Variants in PLEKHH1 observed in about 807,000 individuals in gnomAD.
The protein encoded by PLEKHH1 is pleckstrin homology, MyTH4 and FERM domain containing H1, also known as pleckstrin homology domain-containing family H member 1.
In PLEKHH1, 104 loss-of-function variants were observed where a neutral mutation model predicts 160.0. The ratio of observed to expected loss-of-function variants is 0.65; its 90% CI spans 0.55 to 0.76. The LOEUF (loss-of-function observed/expected upper bound fraction) is 0.76. Among genes scored for constraint, PLEKHH1 ranks in the 30% least tolerant of loss-of-function variants. The pLI is 0.00. For missense variants in PLEKHH1, 1,427 were observed against 1,724.1 expected (o/e 0.83, Z 3.05); for synonymous variants, 619 against 678.4 (o/e 0.91, Z 1.36).
chr14:67,556,529 TCAA>T (rs1430163553), intron 3 of PLEKHH1, among the ~76,000 whole-genome samples: 2 of 152,132 alleles, frequency 1.3e-5, no homozygotes, highest in African/African-American at 2.4e-5. Context: ...TCCTCCTGCC[TCAA>T]CCTCCCAAAG....
At chr14:67,558,861 T>A (rs979950824) in intron 4 of PLEKHH1, among the ~76,000 whole-genome samples, 1 of 152,262 alleles carries the variant, frequency 6.6e-6, no homozygotes, top group Non-Finnish European at 1.5e-5. Context: ...AAAGCTGCTG[T>A]TGTAACATGG....
intron 2 of PLEKHH1, among the ~76,000 whole-genome samples, chr14:67,553,424 A>C (rs1381433730): frequency 6.6e-6 from 1 of 151,866 alleles, no homozygotes; most frequent in African/African-American, 2.4e-5. Flanking sequence ...AGCAAAGGGG[A>C]TTTATTAGAA....
At chr14:67,575,724 A>G in intron 15 of PLEKHH1, 99 bp from the exon 16 acceptor site, 1 of 902,738 alleles carries the variant, frequency 1.1e-6, no homozygotes, top group Non-Finnish European at 1.7e-6. Flanking sequence ...ATCGGTCCAT[A>G]TCCACGATTC....
In PLEKHH1 at chr14:67,557,433, G is replaced by T; in HGVS notation, c.339+15G>T. On this transcript the variant is annotated intron_variant, in intron 4 of 28. Coordinates refer to ENST00000329153, the MANE Select transcript of PLEKHH1 (RefSeq NM_020715.3). ...TGGAGAAGCAGGTAAGGGCTCATGC[G>T]CAAGGGAGCACCATGCCCTCTTCGA... 2 of 1,610,016 alleles carry T rather than the reference G, an allele frequency of 1.2e-6. No individual in the cohort carries two copies. The highest frequency in any genetic ancestry group is 8.5e-7 in the Non-Finnish European group (1 of 1,178,870).
In PLEKHH1 at chr14:67,574,365, G is replaced by A. The variant is rs768378485; in HGVS notation, c.2050G>A (p.Gly684Ser). 1.3e-6 allele frequency: 2 copies of A among 1,592,658 alleles called. No individual in the cohort carries two copies. Among genetic ancestry groups the A allele is most frequent in the South Asian group, 2.3e-5 (2 of 87,548 alleles). ...QATGPPALLR[G>S]GTKPTVKGWL... Reference sequence around the variant, plus strand: ...CACCGGGCCTCCAGCTCTGCTTCGGGGTGGCACCAAGCCCACCGTGAAGGG... The same window carrying A: ...CACCGGGCCTCCAGCTCTGCTTCGGAGTGGCACCAAGCCCACCGTGAAGGG... The change falls in exon 14 of 29, where the codon GGT (glycine) becomes AGT (serine). Residue 684 changes from glycine (G) to serine (S), a missense_variant. Coordinates refer to ENST00000329153, the MANE Select transcript of PLEKHH1 (RefSeq NM_020715.3). The surrounding 1 kb of genome is among the most constrained non-coding windows in gnomAD (Gnocchi z 4.2).
At chr14:67,564,612 C>T (rs1392748542) in intron 7 of PLEKHH1, among the ~76,000 whole-genome samples, 1 of 151,942 alleles carries the variant, frequency 6.6e-6, no homozygotes, top group Non-Finnish European at 1.5e-5. Flanking sequence ...CATGCACCAC[C>T]ATGCCTGGCT....
chr14:67,569,176 G>A lies in PLEKHH1; in HGVS notation c.1302G>A (p.Arg434=). 3 of 1,613,190 alleles carry A rather than the reference G, an allele frequency of 1.9e-6. No individual in the cohort carries two copies. Among genetic ancestry groups the A allele is most frequent in the Non-Finnish European group, 2.5e-6 (3 of 1,179,330 alleles). Residue 434 remains arginine (R), a synonymous_variant, in exon 8 of 29, where the codon CGG becomes CGA. Coordinates refer to ENST00000329153, the MANE Select transcript of PLEKHH1 (RefSeq NM_020715.3). ...RIYAVATSGM[R]LSDMSPRSNT... ...ATGCTGTGGCCACATCGGGCATGCG[G>A]CTCTCAGATATGTCTCCCAGAAGTA...
In PLEKHH1 at chr14:67,578,475, T is replaced by C. The variant is rs1365088599; in HGVS notation, c.2752-59T>C. On this transcript the variant is annotated intron_variant, in intron 19 of 28. Transcript: ENST00000329153. This position sits in a 1 kb window ranked among gnomAD's most constrained non-coding sequence, Gnocchi z 5.0. The stretch of plus-strand genomic sequence containing the variant: ...CTGAAGGCTCTGTAGCTCAGGGCTA[T>C]GAGGACAGGTGGTGCTGTAGGCCCA... The C allele has an allele frequency of 4.3e-6, 5 of 1,173,236 alleles. No homozygotes were observed. The highest frequency in any genetic ancestry group is 6.3e-6 in the Non-Finnish European group (5 of 797,324). The allele number at this position is 1,173,236 out of a possible 1,614,324, so 72.7% of individuals were successfully genotyped here.
In PLEKHH1 at chr14:67,552,846, C is replaced by T. The variant is rs578117663; in HGVS notation, c.127-2979C>T. Among the ~76,000 whole-genome samples, 1,092 of 152,024 alleles carry T rather than the reference C, an allele frequency of 7.2e-3. 6 individuals carry two copies. The highest frequency in any genetic ancestry group is 0.012 in the Non-Finnish European group (809 of 67,966). ...ACCACCTGGCAGTGACAGAGGGTGA[C>T]CCAGGGCTGGGAGGATACCCCAGGG... On this transcript the variant is annotated intron_variant, in intron 2 of 28. Transcript: ENST00000329153.
chr14:67,553,872 G>C (rs1039754405), intron 2 of PLEKHH1, among the ~76,000 whole-genome samples: 2 of 152,184 alleles, frequency 1.3e-5, no homozygotes, highest in Non-Finnish European at 2.9e-5. Flanking sequence ...CACCCACTCA[G>C]CTTCCATCTA....
At chr14:67,583,468 C>T (rs1003336695) in intron 24 of PLEKHH1, among the ~76,000 whole-genome samples, 18 of 152,152 alleles carry the variant, frequency 1.2e-4, no homozygotes, top group Admixed American at 7.9e-4. Context: ...TTTCCCTTGT[C>T]GGCTACCAAT....
Position 67,551,959 on chromosome 14 carries a change from C to T in PLEKHH1, c.127-3866C>T, listed in dbSNP as rs563967347. On this transcript the variant is annotated intron_variant, in intron 2 of 28. Coordinates refer to ENST00000329153, the MANE Select transcript of PLEKHH1 (RefSeq NM_020715.3). ...GTGGCTCTTGGCTCAGGCCACTGCT[C>T]GGCACAGCAGGACTGTGCTGGGAGT... 6.6e-4 allele frequency among the ~76,000 whole-genome samples: 101 copies of T among 152,218 alleles called. No homozygotes were observed. In the South Asian group the frequency reaches 7.1e-3, roughly 11 times the overall value.
chr14:67,579,602 T>C, intron 21 of PLEKHH1, 119 bp from the exon 22 acceptor site: 1 of 992,336 alleles, frequency 1.0e-6, no homozygotes, highest in Non-Finnish European at 1.5e-6. Flanking sequence ...ACCAACTTGC[T>C]TTGGCCTTTT....
Position 67,578,588 on chromosome 14 carries a change from C to T in PLEKHH1, c.2806C>T (p.Leu936Phe). ...APLFLPQHHF[L>F]WYVKQQLQRH... ...ACTTTTCCTGCCTCAGCATCACTTC[C>T]TCTGGTATGTCAAGCAGCAGCTCCA... is the stretch of plus-strand genomic sequence containing the variant. The change falls in exon 20 of 29, where the codon CTC becomes TTC. Residue 936 changes from leucine to phenylalanine, a missense_variant. Around this residue, in one of 6 missense-constraint regions of PLEKHH1, gnomAD observed 436 missense variants for 607.5 expected, o/e 0.72. Coordinates refer to ENST00000329153, the MANE Select transcript of PLEKHH1 (RefSeq NM_020715.3). This position sits in a 1 kb window ranked among gnomAD's most constrained non-coding sequence, Gnocchi z 5.0. The T allele has an allele frequency of 1.2e-6, 2 of 1,612,220 alleles. No homozygotes were observed. The highest frequency in any genetic ancestry group is 1.7e-6 in the Non-Finnish European group (2 of 1,179,250).
Position 67,579,751 on chromosome 14 carries a change from G to T in PLEKHH1, c.3058G>T (p.Asp1020Tyr). 6.2e-7 allele frequency: 1 copy of T among 1,612,920 alleles called. No homozygotes were observed. The highest frequency in any genetic ancestry group is 8.5e-7 in the Non-Finnish European group (1 of 1,179,530). ...VVGFDGSSTVDEFLQRLNQEI... is the reference protein window; with the variant it reads ...VVGFDGSSTVYEFLQRLNQEI... Reference sequence around the variant, plus strand: ...TGGTTTTGACGGCTCTTCCACGGTTGATGAGTTCCTCCAGCGGCTGAACCA... The same window carrying T: ...TGGTTTTGACGGCTCTTCCACGGTTTATGAGTTCCTCCAGCGGCTGAACCA... The change falls in exon 22 of 29, where the codon GAT becomes TAT. Residue 1020 changes from aspartate to tyrosine, a missense_variant. Around this residue, in one of 6 missense-constraint regions of PLEKHH1, gnomAD observed 436 missense variants for 607.5 expected, o/e 0.72. Transcript: ENST00000329153.
chr14:67,541,960 G>A lies in PLEKHH1; in HGVS notation c.93G>A (p.Gln31=), dbSNP rs1221801918. ...CTCAGCTTTTCCGGTTCCGCCTACAGGCCAGCAAGATAAGGGAGCTGCTGG... is the reference window on the plus strand; with the variant it reads ...CTCAGCTTTTCCGGTTCCGCCTACAAGCCAGCAAGATAAGGGAGCTGCTGG... The part of the protein sequence containing the change: ...LETQLFRFRL[Q]ASKIRELLAD... The change falls in exon 2 of 29, where the codon CAG becomes CAA. Residue 31 remains glutamine, a synonymous_variant. Transcript: ENST00000329153. 6.2e-7 allele frequency: 1 copy of A among 1,607,660 alleles called. No homozygotes were observed. The highest frequency in any genetic ancestry group is 1.3e-5 in the African/African-American group (1 of 74,788).
intron 7 of PLEKHH1, among the ~76,000 whole-genome samples, chr14:67,567,494 T>C (rs1406221072): frequency 1.3e-5 from 2 of 151,828 alleles, no homozygotes; most frequent in African/African-American, 4.8e-5. Context: ...TGGGCAGAAA[T>C]AATCCTTTTT....
Position 67,587,532 on chromosome 14 carries a change from G to A in PLEKHH1, c.*297G>A. 2.4e-6 allele frequency: 1 copy of A among 423,870 alleles called. No individual in the cohort carries two copies. Among genetic ancestry groups the A allele is most frequent in the Non-Finnish European group, 4.4e-6 (1 of 227,950 alleles). 26.3% of individuals were successfully genotyped at this position (423,870 alleles called of 1,614,324 possible). On this transcript the variant is annotated 3_prime_UTR_variant, in exon 29 of 29. Coordinates refer to ENST00000329153, the MANE Select transcript of PLEKHH1 (RefSeq NM_020715.3). Reference sequence around the variant, plus strand: ...GACAGGGATGATCCACTGTTACTGAGGGCATCAGTGCTATAAGTTAAGGCT... The same window carrying A: ...GACAGGGATGATCCACTGTTACTGAAGGCATCAGTGCTATAAGTTAAGGCT...
chr14:67,578,648 G>A lies in PLEKHH1; in HGVS notation c.2849+17G>A, dbSNP rs373247758. ...AGATCCCAGGTGAGTGAACCTGGCC[G>A]TTTCCTCTGCCACTTGAGCACTGCC... is the stretch of plus-strand genomic sequence containing the variant. On this transcript the variant is annotated intron_variant, in intron 20 of 28. Transcript: ENST00000329153. This position sits in a 1 kb window ranked among gnomAD's most constrained non-coding sequence, Gnocchi z 5.0. 39 of 1,509,546 alleles carry A rather than the reference G, an allele frequency of 2.6e-5. 1 individual carries two copies. Among genetic ancestry groups the A allele is most frequent in the Middle Eastern group, 3.4e-4 (2 of 5,882 alleles). The allele number at this position is 1,509,546 out of a possible 1,614,324, so 93.5% of individuals were successfully genotyped here. A position where few individuals can be genotyped will look rare whatever the true frequency, so the allele number is the denominator to read the frequency against.
Sources: allele counts gnomAD v4.1 joint callset (sites outside exome capture counted in the v4.1 genomes callset), GRCh38; gene constraint gnomAD v4.1.1; regional missense constraint gnomAD v4.1.1; non-coding constraint Gnocchi (gnomAD v3.1); transcripts MANE v1.5; gene names NCBI Gene and HGNC (gene_info 2026-07-23, HGNC 2026-07-21).